PKD1L1: variants seen among roughly 807,000 people sequenced by gnomAD.
PKD1L1 encodes polycystin 1 like 1, transient receptor potential channel interacting.
In PKD1L1, 236 loss-of-function variants were observed where a neutral mutation model predicts 323.4. The ratio of observed to expected loss-of-function variants is 0.73; its 90% CI spans 0.66 to 0.81. PKD1L1 has a LOEUF of 0.81. Ranked by LOEUF, PKD1L1 falls within the 40% of genes least tolerant of loss-of-function variation. The pLI is 0.00. For synonymous variants in PKD1L1, 1,344 were observed against 1,335.0 expected, an observed-to-expected ratio of 1.01 and a Z score of -0.15; for missense variants, 3,320 against 3,508.0, an observed-to-expected ratio of 0.95 and a Z score of 1.35.
chr7:47,936,588 AGAT>A (rs1336191048), intron 4 of PKD1L1, among the ~76,000 whole-genome samples: 1 of 152,194 alleles, frequency 6.6e-6, no homozygotes, highest in Non-Finnish European at 1.5e-5. Flanking sequence ...TTCAAAATAG[AGAT>A]GATGATGATT....
At chr7:47,847,589 A>C (rs1025202896) in intron 31 of PKD1L1, among the ~76,000 whole-genome samples, 1 of 152,218 alleles carries the variant, frequency 6.6e-6, no homozygotes, top group African/African-American at 2.4e-5. Context: ...TATATTTAGA[A>C]GCAGAAGTAT....
At chr7:47,798,562 C>T (rs1057077572) in intron 54 of PKD1L1, among the ~76,000 whole-genome samples, 26 of 151,988 alleles carry the variant, frequency 1.7e-4, no homozygotes, top group African/African-American at 6.3e-4. Context: ...TCGAGACCAG[C>T]CTTACCAACA....
intron 44 of PKD1L1, among the ~76,000 whole-genome samples, chr7:47,828,096 A>G (rs1199709164): frequency 6.6e-6 from 1 of 152,178 alleles, no homozygotes; most frequent in Non-Finnish European, 1.5e-5. Flanking sequence ...AAAGCTGCAC[A>G]TGCAGAGTGT....
At chr7:47,856,314 C>T (rs1286300722) in intron 28 of PKD1L1, among the ~76,000 whole-genome samples, 1 of 152,228 alleles carries the variant, frequency 6.6e-6, no homozygotes, top group Non-Finnish European at 1.5e-5. Flanking sequence ...GCTGGGATTA[C>T]AGGCGTGACC....
intron 50 of PKD1L1, 114 bp downstream of exon 50, chr7:47,811,703 G>A (rs895469820): frequency 1.5e-5 from 12 of 782,620 alleles, no homozygotes; most frequent in Admixed American, 9.5e-5. Context: ...GAGTGTGACC[G>A]GAGGGGCAGG....
intron 49 of PKD1L1, among the ~76,000 whole-genome samples, chr7:47,812,574 C>T (rs1332346256): frequency 6.6e-6 from 1 of 152,174 alleles, no homozygotes; most frequent in South Asian, 2.1e-4. Context: ...ATCCGTGTTA[C>T]CACTGGGTCA....
rs1201029483 is a variant in PKD1L1, at chr7:47,840,615, C to T, written c.5446-48G>A. 10 of 1,409,918 alleles carry T rather than the reference C, an allele frequency of 7.1e-6. No homozygotes were observed. The highest frequency in any genetic ancestry group is 1.2e-5 in the South Asian group (1 of 86,652). The allele number at this position is 1,409,918 out of a possible 1,614,324, so 87.3% of individuals were successfully genotyped here. A position where few individuals can be genotyped will look rare whatever the true frequency, so the allele number is the denominator to read the frequency against. ...GGAACTCAGGCTATTTCACAGCAGACACCATGCAATGCTGGGCAGGGCTTC... is the reference window on the plus strand; with the variant it reads ...GGAACTCAGGCTATTTCACAGCAGATACCATGCAATGCTGGGCAGGGCTTC... On this transcript the variant is annotated intron_variant, in intron 34 of 56. Coordinates refer to ENST00000289672, the MANE Select transcript of PKD1L1 (RefSeq NM_138295.5). This position sits in a 1 kb window ranked among gnomAD's most constrained non-coding sequence, Gnocchi z 4.1.
chr7:47,894,325 A>C (rs992299604), intron 14 of PKD1L1, among the ~76,000 whole-genome samples: 1 of 152,130 alleles, frequency 6.6e-6, no homozygotes, highest in African/African-American at 2.4e-5. Flanking sequence ...TGAACACAAT[A>C]GAGACTTTCC....
intron 8 of PKD1L1, among the ~76,000 whole-genome samples, chr7:47,912,588 GGT>G (rs1458527575): frequency 3.3e-5 from 5 of 151,936 alleles, no homozygotes; most frequent in African/African-American, 1.2e-4. Flanking sequence ...GGCTGAGGCG[GGT>G]GGATCGCTTG....
At chr7:47,889,628 G>A (rs1786765035) in intron 16 of PKD1L1, among the ~76,000 whole-genome samples, 1 of 152,084 alleles carries the variant, frequency 6.6e-6, no homozygotes, top group South Asian at 2.1e-4. Flanking sequence ...TCTGATCTCT[G>A]AGGACAGCAG....
Position 47,902,367 on chromosome 7 carries a change from C to T in PKD1L1, c.2064+12G>A, listed in dbSNP as rs1212537337. The T allele has an allele frequency of 1.9e-6, 3 of 1,613,052 alleles. No individual in the cohort carries two copies. Among genetic ancestry groups the T allele is most frequent in the Admixed American group, 1.7e-5 (1 of 59,850 alleles). ...AGAGGCTGGTGGAGGATTTCCCAGA[C>T]TCCGAGCCTACCTGGACTTTCCCAG... On this transcript the variant is annotated intron_variant, in intron 13 of 56. Transcript: ENST00000289672.
chr7:47,960,397 G>GGA, the PKD1L1 span, among the ~76,000 whole-genome samples: 1 of 58,346 alleles, frequency 1.7e-5, no homozygotes, highest in Non-Finnish European at 3.9e-5. Context: ...AAAAAAAACT[G>GGA]TAAAAAAGAA....
rs1787766430 is a variant in PKD1L1 at position 47,931,242 on chromosome 7, C to T, written c.599G>A (p.Cys200Tyr). ...CAGCCCCGTGGCCACATCCTCCGCA[C>T]AGCACAGCAGTCTCAGGACACAGCA... ...ASCCVLRLLC[C>Y]AEDVATGLLP... The change falls in exon 6 of 57, where the codon TGT becomes TAT. Residue 200 changes from cysteine to tyrosine, a missense_variant. Coordinates refer to ENST00000289672, the MANE Select transcript of PKD1L1 (RefSeq NM_138295.5). 2 of 1,614,150 alleles carry T rather than the reference C, an allele frequency of 1.2e-6. No homozygotes were observed. Among genetic ancestry groups the T allele is most frequent in the African/African-American group, 1.3e-5 (1 of 74,954 alleles).
intron 53 of PKD1L1, among the ~76,000 whole-genome samples, chr7:47,801,192 C>T (rs973242448): frequency 6.6e-6 from 1 of 152,144 alleles, no homozygotes; most frequent in Non-Finnish European, 1.5e-5. Flanking sequence ...AAGCGGCCTG[C>T]TCCCCTGGCC....
At chr7:47,911,903 TTTAAA>T (rs1787329371) in intron 8 of PKD1L1, among the ~76,000 whole-genome samples, 1 of 148,852 alleles carries the variant, frequency 6.7e-6, no homozygotes, top group South Asian at 2.1e-4. Flanking sequence ...AATGCAACTC[TTTAAA>T]TTATGAGTAA....
intron 24 of PKD1L1, among the ~76,000 whole-genome samples, chr7:47,868,962 C>T (rs1156239649): frequency 6.6e-6 from 1 of 152,050 alleles, no homozygotes; most frequent in African/African-American, 2.4e-5. Context: ...ATGTAACATA[C>T]ATAACAATCA....
At position 47,858,854 on chromosome 7, in the gene PKD1L1, T is replaced by C. The variant is rs1474907903; in HGVS notation, c.4181A>G (p.Lys1394Arg). Residue 1394 changes from lysine to arginine, a missense_variant, in exon 27 of 57, where the codon AAG becomes AGG. By Grantham distance (26) the Lys-to-Arg change is conservative (BLOSUM62 2). Transcript: ENST00000289672. ...LGFMSAVLIL[K>R]YTRALLAQGQ... is the part of the protein sequence containing the mutation. Reference sequence around the variant, plus strand: ...TTGAGCAAGGAGTGCCCGGGTGTACTTGAGGATGAGAACCGCACTCATAAA... The same window carrying C: ...TTGAGCAAGGAGTGCCCGGGTGTACCTGAGGATGAGAACCGCACTCATAAA... 3.1e-6 allele frequency: 5 copies of C among 1,613,744 alleles called. No individual in the cohort carries two copies. The highest frequency in any genetic ancestry group is 2.2e-5 in the East Asian group (1 of 44,852).
intron 8 of PKD1L1, among the ~76,000 whole-genome samples, chr7:47,911,805 G>C (rs765293273): frequency 6.6e-6 from 1 of 151,828 alleles, no homozygotes. Context: ...TTGCCAAAGG[G>C]CTCAGTGGCT....
intron 13 of PKD1L1, 58 bp from the exon 14 acceptor site, chr7:47,898,252 G>A: frequency 7.1e-7 from 1 of 1,400,772 alleles, no homozygotes; most frequent in Non-Finnish European, 1.0e-6. Context: ...TAATGTACTG[G>A]TAAATTACTA....
Sources: gnomAD v4.1 joint callset for allele counts (sites outside exome capture counted in the v4.1 genomes callset) on GRCh38, gnomAD v4.1.1 for gene constraint, Gnocchi (gnomAD v3.1) non-coding constraint, MANE v1.5 for transcripts, NCBI Gene and HGNC (gene_info 2026-07-23, HGNC 2026-07-21) for gene names.